USH2A: variants seen among roughly 807,000 people sequenced by gnomAD.
USH2A encodes usherin.
USH2A carries 443 observed loss-of-function variants against 538.9 expected under a neutral mutation model. That is an observed-to-expected ratio of 0.82 (90% CI 0.76 to 0.89). The LOEUF is 0.89. Among genes scored for constraint, USH2A ranks in the 40% least tolerant of loss-of-function variants. The pLI is 0.00. For missense variants in USH2A, 6,633 were observed against 6,324.8 expected (o/e 1.05, Z -1.65); for synonymous variants, 2,413 against 2,273.5 (o/e 1.06, Z -1.75).
At chr1:215,867,698 C>T (rs1365810017) in intron 43 of USH2A, among the ~76,000 whole-genome samples, 2 of 152,188 alleles carry the variant, frequency 1.3e-5, no homozygotes. Flanking sequence ...GTAACTGTGA[C>T]CAAAGTGTAC....
chr1:215,763,804 A>T (rs1338868899), intron 56 of USH2A, among the ~76,000 whole-genome samples: 1 of 152,166 alleles, frequency 6.6e-6, no homozygotes, highest in Non-Finnish European at 1.5e-5. Context: ...TTCTCTTCTT[A>T]TAGCTATGAG....
chr1:215,743,814 C>T (rs551231222), intron 58 of USH2A, among the ~76,000 whole-genome samples: 110 of 125,212 alleles, frequency 8.8e-4, no homozygotes, highest in African/African-American at 2.9e-3. Context: ...AGTGAGACTC[C>T]GCCTCCAAAA....
chr1:215,685,932 A>C (rs762709262), intron 61 of USH2A, among the ~76,000 whole-genome samples: 5 of 152,046 alleles, frequency 3.3e-5, no homozygotes, highest in Non-Finnish European at 7.4e-5. Flanking sequence ...TCAAAGATCA[A>C]CTCACAATAC....
At chr1:216,150,361 A>G (rs916349586) in intron 21 of USH2A, among the ~76,000 whole-genome samples, 19 of 150,622 alleles carry the variant, frequency 1.3e-4, no homozygotes, top group Admixed American at 8.6e-4. Context: ...TTACTTTTAT[A>G]CTCACTCTTA....
Position 215,901,088 on chromosome 1 carries a change from C to G in USH2A, c.7301-183G>C, listed in dbSNP as rs1012958520. ...TGTACTTCCTTATTGTTCATTTCAA[C>G]ACAATTACATTAGTATTTCAGTCTT... On this transcript the variant is annotated intron_variant, in intron 38 of 71. Transcript: ENST00000307340. 3 of 745,032 alleles carry G rather than the reference C, an allele frequency of 4.0e-6. No homozygotes were observed. In the Admixed American group the frequency reaches 6.8e-5, roughly 17 times the overall value. The allele number at this position is 745,032 out of a possible 1,614,324, so 46.2% of individuals were successfully genotyped here.
chr1:216,190,256 T>G lies in USH2A; in HGVS notation c.4363A>C (p.Ser1455Arg). The G allele has an allele frequency of 6.2e-7, 1 of 1,612,568 alleles. No homozygotes were observed. Among genetic ancestry groups the G allele is most frequent in the East Asian group, 2.2e-5 (1 of 44,768 alleles). The change falls in exon 20 of 72, where the codon AGT becomes CGT. Residue 1455 changes from serine (S) to arginine (R), a missense_variant. Ser to Arg is a moderately radical substitution (Grantham distance 110). Coordinates refer to ENST00000307340, the MANE Select transcript of USH2A (RefSeq NM_206933.4). ...TLCNSVGCVT[S>R]ASGAGQTLAA... is the part of the protein sequence containing the mutation. ...AAAGTTTGTCCTGCTCCCGAAGCAC[T>G]GGTCACACAACCAACTGAATTGCAG...
At chr1:216,127,077 G>T (rs953570369) in intron 21 of USH2A, among the ~76,000 whole-genome samples, 6 of 152,184 alleles carry the variant, frequency 3.9e-5, no homozygotes, top group Admixed American at 1.3e-4. Flanking sequence ...GAGACAGTTT[G>T]CATTAAAATA....
chr1:216,391,530 T>C (rs77846375), intron 3 of USH2A, among the ~76,000 whole-genome samples: 149 of 152,352 alleles, frequency 9.8e-4, no homozygotes, highest in African/African-American at 3.5e-3. Context: ...TTCTGTTGCA[T>C]TGCGCTTAAC....
At chr1:216,242,661 T>C (rs2035961969) in intron 13 of USH2A, among the ~76,000 whole-genome samples, 1 of 152,196 alleles carries the variant, frequency 6.6e-6, no homozygotes, top group Non-Finnish European at 1.5e-5. Context: ...TGCAATAAAA[T>C]ATCAATGTGA....
chr1:216,354,308 C>T (rs927045270), intron 4 of USH2A, among the ~76,000 whole-genome samples: 72 of 152,134 alleles, frequency 4.7e-4, no homozygotes, highest in African/African-American at 1.4e-3. Flanking sequence ...CATTCTTTTA[C>T]GCAAAGTGTT....
In USH2A at chr1:215,674,859, G is replaced by T. The variant is rs79180293; in HGVS notation, c.13052C>A (p.Thr4351Asn). 6.2e-7 allele frequency: 1 copy of T among 1,614,204 alleles called. No homozygotes were observed. The highest frequency in any genetic ancestry group is 1.3e-5 in the African/African-American group (1 of 75,056). ...CSTSKPTSIT[T>N]LEAAPSEVSP... Reference sequence around the variant, plus strand: ...GACTTCTGATGGAGCAGCCTCCAGAGTTGTGATGCTGGTGGGTTTGCTGGT... The same window carrying T: ...GACTTCTGATGGAGCAGCCTCCAGATTTGTGATGCTGGTGGGTTTGCTGGT... Residue 4351 changes from threonine to asparagine, a missense_variant, in exon 63 of 72, where the codon ACT (threonine) becomes AAT (asparagine). Coordinates refer to ENST00000307340, the MANE Select transcript of USH2A (RefSeq NM_206933.4).
rs373580021 is a variant in USH2A at position 216,030,643 on chromosome 1, GAT to G, written c.6325+15786_6325+15787del. ...TATATCACAGATATATAATATATACGATATATATATATAAATCAAAATACACT... is the reference window on the plus strand; with the variant it reads ...TATATCACAGATATATAATATATACGATATATATATAAATCAAAATACACT... On this transcript the variant is annotated intron_variant, in intron 32 of 71. Coordinates refer to ENST00000307340, the MANE Select transcript of USH2A (RefSeq NM_206933.4). Among the ~76,000 whole-genome samples, 252 of 136,906 alleles carry G rather than the reference GAT, an allele frequency of 1.8e-3. 1 individual carries two copies. The highest frequency in any genetic ancestry group is 5.1e-3 in the African/African-American group (191 of 37,600). The allele number at this position is 136,906 out of a possible 152,430, so 89.8% of individuals were successfully genotyped here. A position where few individuals can be genotyped will look rare whatever the true frequency, so the allele number is the denominator to read the frequency against.
rs398124619 is a variant in USH2A at position 215,970,720 on chromosome 1, C to A, written c.6862G>T (p.Glu2288Ter). The part of the protein sequence containing the change: ...LDGILIHNSS[E>*]LSYRAYGFAP... ...AATCCGTAAGCACGATAGCTGAGTT[C>A]TGAGGAATTGTGGATTAATATACCA... The change falls in exon 36 of 72, where the codon GAA becomes TAA. Residue 2288 changes from glutamate to a stop codon, truncating the protein, a stop_gained. Coordinates refer to ENST00000307340, the MANE Select transcript of USH2A (RefSeq NM_206933.4). LOFTEE classifies it high-confidence loss of function. 2.5e-5 allele frequency: 41 copies of A among 1,613,530 alleles called. No homozygotes were observed. Among genetic ancestry groups the A allele is most frequent in the Non-Finnish European group, 3.3e-5 (39 of 1,179,728 alleles).
intron 15 of USH2A, among the ~76,000 whole-genome samples, chr1:216,209,065 G>A (rs2035180665): frequency 6.6e-6 from 1 of 152,144 alleles, no homozygotes; most frequent in African/African-American, 2.4e-5. Flanking sequence ...GGGATAGTGG[G>A]GATCCAGATG....
At chr1:215,838,320 T>C (rs1423345204) in intron 46 of USH2A, among the ~76,000 whole-genome samples, 1 of 152,142 alleles carries the variant, frequency 6.6e-6, no homozygotes, top group Non-Finnish European at 1.5e-5. Context: ...GATTTAGTAA[T>C]GGGAATGATG....
chr1:215,949,062 G>C (rs1159151012), intron 37 of USH2A, among the ~76,000 whole-genome samples: 4 of 151,962 alleles, frequency 2.6e-5, no homozygotes, highest in African/African-American at 9.7e-5. Flanking sequence ...TGTATTTTCT[G>C]TCTTCCTAGA....
At chr1:216,403,883 C>T (rs1434083680) in intron 3 of USH2A, among the ~76,000 whole-genome samples, 3 of 152,084 alleles carry the variant, frequency 2.0e-5, no homozygotes, top group Admixed American at 2.0e-4. Context: ...AGTGAGTTCT[C>T]ACGAGATCTG....
intron 9 of USH2A, among the ~76,000 whole-genome samples, chr1:216,307,478 C>G (rs2037340579): frequency 6.6e-6 from 1 of 152,156 alleles, no homozygotes; most frequent in South Asian, 2.1e-4. Flanking sequence ...AGGACTTGCC[C>G]CTGCTCCAGG....
chr1:216,150,905 C>G (rs2033818977), intron 21 of USH2A, among the ~76,000 whole-genome samples: 2 of 152,096 alleles, frequency 1.3e-5, no homozygotes, highest in Admixed American at 6.6e-5. Flanking sequence ...ACAATTGGAG[C>G]CTTCCAGCTC....
Sources: gnomAD v4.1 joint callset for allele counts (sites outside exome capture counted in the v4.1 genomes callset) on GRCh38, gnomAD v4.1.1 for gene constraint, MANE v1.5 for transcripts, NCBI Gene and HGNC (gene_info 2026-07-23, HGNC 2026-07-21) for gene names.